Variants in TOX observed in about 807,000 individuals in gnomAD.
The protein encoded by TOX is thymocyte selection-associated high mobility group box protein TOX.
A neutral mutation model predicts 53.7 loss-of-function variants in TOX; 11 were observed. The observed-to-expected ratio is 0.20, with a 90% confidence interval of 0.13 to 0.34. The LOEUF (loss-of-function observed/expected upper bound fraction) is 0.34. Among genes scored for constraint, TOX ranks in the 10% least tolerant of loss-of-function variants. The pLI is 1.00. For synonymous variants in TOX, 225 were observed against 245.3 expected (o/e 0.92, Z 0.77); for missense variants, 570 against 664.6 (o/e 0.86, Z 1.56).
intron 1 of TOX, among the ~76,000 whole-genome samples, chr8:58,965,623 G>C (rs368339277): frequency 6.6e-6 from 1 of 152,120 alleles, no homozygotes. Context: ...CTGCTGAGGG[G>C]GAAAAACAGC....
At chr8:59,030,251 C>T (rs1381853898) in intron 1 of TOX, among the ~76,000 whole-genome samples, 1 of 152,134 alleles carries the variant, frequency 6.6e-6, no homozygotes, top group Non-Finnish European at 1.5e-5. Context: ...TTAATTTAAA[C>T]CTTTTATTGC....
intron 4 of TOX, among the ~76,000 whole-genome samples, chr8:58,841,512 T>A (rs1421680732): frequency 6.6e-6 from 1 of 152,164 alleles, no homozygotes; most frequent in East Asian, 1.9e-4. Flanking sequence ...AGGTCCACAA[T>A]GAAGAATATT....
At chr8:59,041,073 CGTGTGT>C (rs61657323) in intron 1 of TOX, among the ~76,000 whole-genome samples, 4,289 of 143,836 alleles carry the variant, frequency 0.03, 83 homozygotes, top group Middle Eastern at 0.085. Flanking sequence ...AAAGGGACTC[CGTGTGT>C]GTGTGTGTGT....
intron 3 of TOX, among the ~76,000 whole-genome samples, chr8:58,903,695 T>C (rs1181262357): frequency 6.6e-6 from 1 of 152,216 alleles, no homozygotes. Context: ...TATAGAATTT[T>C]TGAACAGGAG....
chr8:59,006,914 T>A (rs1009958447), intron 1 of TOX, among the ~76,000 whole-genome samples: 1 of 152,196 alleles, frequency 6.6e-6, no homozygotes, highest in African/African-American at 2.4e-5. Context: ...CCCAGAAGCA[T>A]CCTAACTCTA....
intron 3 of TOX, among the ~76,000 whole-genome samples, chr8:58,927,418 A>G (rs976274489): frequency 5.9e-5 from 9 of 152,078 alleles, no homozygotes; most frequent in African/African-American, 2.2e-4. Flanking sequence ...CTCACCAGAA[A>G]TGTAGAGGAG....
chr8:58,842,192 T>C (rs1306723502), intron 4 of TOX, among the ~76,000 whole-genome samples: 1 of 152,060 alleles, frequency 6.6e-6, no homozygotes, highest in Non-Finnish European at 1.5e-5. Flanking sequence ...CAGAGGAGAC[T>C]GGGGTGAGTC....
intron 1 of TOX, among the ~76,000 whole-genome samples, chr8:59,089,343 G>A (rs989031084): frequency 6.6e-6 from 1 of 152,162 alleles, no homozygotes; most frequent in Non-Finnish European, 1.5e-5. Context: ...CACTTCAGGG[G>A]TCATGTCTCC....
intron 4 of TOX, among the ~76,000 whole-genome samples, chr8:58,841,221 G>GT (rs1181419244): frequency 6.6e-6 from 1 of 152,146 alleles, no homozygotes; most frequent in African/African-American, 2.4e-5. Flanking sequence ...ATTTAGCTCT[G>GT]TATATTTCCA....
chr8:58,938,588 T>C (rs750460644), intron 3 of TOX, among the ~76,000 whole-genome samples: 15 of 152,200 alleles, frequency 9.9e-5, no homozygotes, highest in Non-Finnish European at 1.6e-4. Flanking sequence ...AAAGATTTTA[T>C]AATAAGCCAG....
intron 3 of TOX, among the ~76,000 whole-genome samples, chr8:58,895,541 T>C (rs929968024): frequency 6.6e-5 from 10 of 152,254 alleles, no homozygotes; most frequent in African/African-American, 1.9e-4. Flanking sequence ...ATTCAGTGAA[T>C]TCACTGGATA....
intron 1 of TOX, among the ~76,000 whole-genome samples, chr8:59,034,703 C>T (rs1272738284): frequency 6.6e-6 from 1 of 152,116 alleles, no homozygotes; most frequent in Non-Finnish European, 1.5e-5. Context: ...ACCATCATCC[C>T]CTTTTGCATT....
intron 3 of TOX, among the ~76,000 whole-genome samples, chr8:58,892,493 G>C (rs1378058829): frequency 2.0e-5 from 3 of 152,180 alleles, no homozygotes; most frequent in Admixed American, 6.5e-5. Flanking sequence ...GATTATAGTT[G>C]TATGAAGGAT....
chr8:59,050,845 T>G (rs1320429743), intron 1 of TOX, among the ~76,000 whole-genome samples: 2 of 152,204 alleles, frequency 1.3e-5, no homozygotes, highest in Non-Finnish European at 2.9e-5. Context: ...CATTGCATTC[T>G]GCAGTATTTC....
At chr8:59,078,764 T>G (rs939550750) in intron 1 of TOX, among the ~76,000 whole-genome samples, 11 of 151,882 alleles carry the variant, frequency 7.2e-5, no homozygotes, top group African/African-American at 2.7e-4. Flanking sequence ...TGGACAGAGG[T>G]TGGAACAGTT....
At chr8:58,829,941 G>A (rs1006776419) in intron 5 of TOX, among the ~76,000 whole-genome samples, 1 of 152,120 alleles carries the variant, frequency 6.6e-6, no homozygotes, top group Non-Finnish European at 1.5e-5. Flanking sequence ...GTCCCAGCAC[G>A]GCATTTGGCA....
At chr8:59,091,728 C>A (rs1563443435) in intron 1 of TOX, among the ~76,000 whole-genome samples, 1 of 152,048 alleles carries the variant, frequency 6.6e-6, no homozygotes, top group Non-Finnish European at 1.5e-5. Flanking sequence ...AAATGACTTT[C>A]TTTCTCAGTG....
In TOX at chr8:58,857,648, C is replaced by T. The variant is rs537919254; in HGVS notation, c.412-5843G>A. ...TGCTAAGGCCATGTTCCTTTCTCCCCTTGTCTGGTTACCTAGAGCTGAAGA... is the reference window on the plus strand; with the variant it reads ...TGCTAAGGCCATGTTCCTTTCTCCCTTTGTCTGGTTACCTAGAGCTGAAGA... On this transcript the variant is annotated intron_variant, in intron 3 of 8. Coordinates refer to ENST00000361421, the MANE Select transcript of TOX (RefSeq NM_014729.3). Among the ~76,000 whole-genome samples the T allele has an allele frequency of 3.9e-5, 6 of 152,302 alleles. No homozygotes were observed. In the South Asian group the frequency reaches 1.2e-3, roughly 32 times the overall value.
intron 3 of TOX, among the ~76,000 whole-genome samples, chr8:58,893,373 A>G (rs766364190): frequency 2.6e-4 from 39 of 152,284 alleles, no homozygotes; most frequent in Middle Eastern, 6.8e-3. Flanking sequence ...ATTATTACCC[A>G]TGTGAAATAT....
Sources: allele counts gnomAD v4.1 joint callset (sites outside exome capture counted in the v4.1 genomes callset), GRCh38; gene constraint gnomAD v4.1.1; transcripts MANE v1.5; gene names NCBI Gene and HGNC (gene_info 2026-07-23, HGNC 2026-07-21).